The following VPS36 variants were observed in gnomAD, a reference collection of about 807,000 sequenced individuals.
VPS36 encodes vacuolar protein sorting 36 homolog.
In VPS36, 31 loss-of-function variants were observed where a neutral mutation model predicts 63.5. That is an observed-to-expected ratio of 0.49 (90% CI 0.37 to 0.66). The LOEUF is 0.66. VPS36 is among the 30% of genes least tolerant of loss of function. The pLI is 0.00. For missense variants in VPS36, 338 were observed against 463.7 expected, an observed-to-expected ratio of 0.73 and a Z score of 2.49; for synonymous variants, 138 against 157.2, an observed-to-expected ratio of 0.88 and a Z score of 0.91.
Position 52,450,631 on chromosome 13 carries a change from G to A in VPS36, c.-37C>T, listed in dbSNP as rs1958393445. 5.2e-6 allele frequency: 8 copies of A among 1,536,614 alleles called. No individual in the cohort carries two copies. In the East Asian group the frequency reaches 1.3e-4, roughly 26 times the overall value. ...CCCAGCCCCGGCCCTCCGAGGCCGCGAGCAGCGCGCCAGGCAGCCTGCGGC... is the reference window on the plus strand; with the variant it reads ...CCCAGCCCCGGCCCTCCGAGGCCGCAAGCAGCGCGCCAGGCAGCCTGCGGC... On this transcript the variant is annotated 5_prime_UTR_variant, in exon 1 of 14. Coordinates refer to ENST00000378060, the MANE Select transcript of VPS36 (RefSeq NM_016075.4).
At position 52,425,991 on chromosome 13, in the gene VPS36, T is replaced by C. The variant is rs747955028; in HGVS notation, c.715A>G (p.Thr239Ala). 1 of 1,614,070 alleles carries C rather than the reference T, an allele frequency of 6.2e-7. No individual in the cohort carries two copies. The highest frequency in any genetic ancestry group is 1.3e-5 in the African/African-American group (1 of 74,934). ...PVTRETYGSG[T>A]QYHMQLAKQL... ...TTGGCCAGCTGCATGTGGTACTGTG[T>C]GCCTGAGCCGTAGGTTTCTCTGGTA... The change falls in exon 9 of 14, where the codon ACA becomes GCA. Residue 239 changes from threonine (T) to alanine (A), a missense_variant. Coordinates refer to ENST00000378060, the MANE Select transcript of VPS36 (RefSeq NM_016075.4).
intron 10 of VPS36, among the ~76,000 whole-genome samples, chr13:52,420,874 T>C (rs1235868513): frequency 1.3e-5 from 2 of 152,270 alleles, no homozygotes; most frequent in African/African-American, 2.4e-5. Context: ...CCCAGCACTT[T>C]GTTTGGGAGG....
chr13:52,438,693 C>G (rs931507845), intron 3 of VPS36, among the ~76,000 whole-genome samples: 7 of 152,114 alleles, frequency 4.6e-5, no homozygotes, highest in African/African-American at 1.7e-4. Flanking sequence ...TTCATTGTAC[C>G]CCCTATTATT....
rs78660653 is a variant in VPS36 at position 52,422,906 on chromosome 13, G to A, written c.840+668C>T. On this transcript the variant is annotated intron_variant, in intron 10 of 13. Transcript: ENST00000378060. ...TCCCATAGTTCCCACATATTTTCGA[G>A]GGACCTGGTGGGAGATGATTGAATT... 2.5e-3 allele frequency among the ~76,000 whole-genome samples: 381 copies of A among 152,250 alleles called. 2 individuals are homozygous for A. The highest frequency in any genetic ancestry group is 6.5e-3 in the African/African-American group (270 of 41,524).
intron 6 of VPS36, among the ~76,000 whole-genome samples, chr13:52,427,547 C>T (rs1594116486): frequency 6.6e-6 from 1 of 151,322 alleles, no homozygotes; most frequent in Non-Finnish European, 1.5e-5. Context: ...GCGGAGCTTG[C>T]GGTGAGCCGA....
Position 52,422,327 on chromosome 13 carries a change from T to C in VPS36, c.840+1247A>G, listed in dbSNP as rs377637065. 3.8e-4 allele frequency among the ~76,000 whole-genome samples: 58 copies of C among 152,338 alleles called. 1 individual carries two copies. In the South Asian group the frequency reaches 6.8e-3, roughly 18 times the overall value. ...TTATGACTGAATTGTATTCCATTTG[T>C]ATGTATCTGACATTTTCTTTATCCG... On this transcript the variant is annotated intron_variant, in intron 10 of 13. Transcript: ENST00000378060.
chr13:52,415,538 G>T lies in VPS36; in HGVS notation c.*292C>A. 1 of 244,840 alleles carries T rather than the reference G, an allele frequency of 4.1e-6. No homozygotes were observed. Among genetic ancestry groups the T allele is most frequent in the Non-Finnish European group, 7.8e-6 (1 of 127,696 alleles). 15.2% of individuals were successfully genotyped at this position (244,840 alleles called of 1,614,324 possible). A position where few individuals can be genotyped will look rare whatever the true frequency, so the allele number is the denominator to read the frequency against. ...AACTAAATTCCCTTCTTTATAAAAT[G>T]ATTAGATTTGAGGATCAAGTTAAAA... On this transcript the variant is annotated 3_prime_UTR_variant, in exon 14 of 14. Transcript: ENST00000378060.
chr13:52,442,738 C>T (rs1037771580), intron 1 of VPS36, among the ~76,000 whole-genome samples: 2 of 152,126 alleles, frequency 1.3e-5, no homozygotes, highest in African/African-American at 4.8e-5. Context: ...CATGGATTAC[C>T]ATAGAACTCT....
intron 1 of VPS36, among the ~76,000 whole-genome samples, chr13:52,447,197 C>T (rs1958352619): frequency 6.6e-6 from 1 of 152,056 alleles, no homozygotes; most frequent in Admixed American, 6.6e-5. Flanking sequence ...ATTTAATTAA[C>T]CAATCCCTAT....
In VPS36 at chr13:52,449,968, T is replaced by G. The variant is rs1323228832; in HGVS notation, c.96+531A>C. 7.1e-6 allele frequency: 7 copies of G among 985,574 alleles called. No homozygotes were observed. The African/African-American group carries it at 1.2e-4, about 17-fold the overall frequency. 61.1% of individuals were successfully genotyped at this position (985,574 alleles called of 1,614,324 possible). A position where few individuals can be genotyped will look rare whatever the true frequency, so the allele number is the denominator to read the frequency against. ...TCCTTTCGAAGCAATCCCTCACCCC[T>G]CTGCCCAGATATGCTAATCCCTCCG... On this transcript the variant is annotated intron_variant, in intron 1 of 13. Coordinates refer to ENST00000378060, the MANE Select transcript of VPS36 (RefSeq NM_016075.4).
chr13:52,421,353 T>C (rs917473941), intron 10 of VPS36, among the ~76,000 whole-genome samples: 1 of 152,064 alleles, frequency 6.6e-6, no homozygotes, highest in South Asian at 2.1e-4. Flanking sequence ...GAAGAGTGGC[T>C]ACCAGAGGCT....
chr13:52,429,164 G>A, intron 6 of VPS36: 1 of 725,330 alleles, frequency 1.4e-6, no homozygotes, highest in Non-Finnish European at 1.7e-6. Context: ...CTCCAATTTT[G>A]AGAAAAACAG....
chr13:52,439,872 T>C (rs533926766), intron 2 of VPS36, among the ~76,000 whole-genome samples: 3 of 152,362 alleles, frequency 2.0e-5, no homozygotes, highest in South Asian at 2.1e-4. Context: ...TTTATGTAGA[T>C]GACTTTCTCT....
intron 1 of VPS36, among the ~76,000 whole-genome samples, chr13:52,446,265 GA>G (rs1304355658): frequency 0.03 from 3,095 of 104,576 alleles, 43 homozygotes; most frequent in African/African-American, 0.072. Context: ...GATTCCGTCT[GA>G]AAAAAAAAAA....
At chr13:52,433,597 AG>A in intron 6 of VPS36, 64 bp downstream of exon 6, 1 of 1,237,958 alleles carries the variant, frequency 8.1e-7, no homozygotes, top group Non-Finnish European at 1.2e-6. Context: ...AATTAGGCAC[AG>A]CTGTATCTAA....
intron 5 of VPS36, among the ~76,000 whole-genome samples, chr13:52,434,576 C>A (rs1473112538): frequency 6.6e-6 from 1 of 152,088 alleles, no homozygotes; most frequent in Non-Finnish European, 1.5e-5. Context: ...CCAGGCTGGT[C>A]TTGAACTCCT....
Position 52,415,858 on chromosome 13 carries a change from TA to T in VPS36, c.1132del (p.Tyr378ThrfsTer6). 1 of 1,613,894 alleles carries T rather than the reference TA, an allele frequency of 6.2e-7. No individual in the cohort carries two copies. Among genetic ancestry groups the T allele is most frequent in the Non-Finnish European group, 8.5e-7 (1 of 1,179,980 alleles). ...GCTCTGTGTCATAAATAAATTTGGG[TA>T]AAAACGCAGGCCTTCCACTGAGTCA... ...RDDSVEGLRF[Y>X]PNLFMTQS On this transcript the variant is annotated frameshift_variant, in exon 14 of 14. Coordinates refer to ENST00000378060, the MANE Select transcript of VPS36 (RefSeq NM_016075.4). LOFTEE classifies it high-confidence loss of function.
rs1179362585 is a variant in VPS36, at chr13:52,414,403, A to C, written c.*1427T>G. 6.6e-6 allele frequency: 1 copy of C among 152,248 alleles called. No individual in the cohort carries two copies. The highest frequency in any genetic ancestry group is 1.5e-5 in the Non-Finnish European group (1 of 68,066). The allele number at this position is 152,248 out of a possible 1,614,324, so 9.4% of individuals were successfully genotyped here. A position where few individuals can be genotyped will look rare whatever the true frequency, so the allele number is the denominator to read the frequency against. ...ATGAAGAGTCAGTGACAGGTTTGGA[A>C]AACAAAAACTAAAGTGGGATGTCTC... is the stretch of plus-strand genomic sequence containing the variant. On this transcript the variant is annotated 3_prime_UTR_variant, in exon 14 of 14. Coordinates refer to ENST00000378060, the MANE Select transcript of VPS36 (RefSeq NM_016075.4).
In VPS36 at chr13:52,434,906, T is replaced by C. The variant is rs1459792063; in HGVS notation, c.352-24A>G. The C allele has an allele frequency of 3.8e-6, 6 of 1,589,772 alleles. No homozygotes were observed. In the South Asian group the frequency reaches 5.6e-5, roughly 15 times the overall value. On this transcript the variant is annotated intron_variant, in intron 4 of 13. Coordinates refer to ENST00000378060, the MANE Select transcript of VPS36 (RefSeq NM_016075.4). ...AACTGATACGCAAATAAATACACTT[T>C]AAATGACTCAGTCAGATTGTAACAT...
Sources: gnomAD v4.1 joint callset for allele counts (sites outside exome capture counted in the v4.1 genomes callset) on GRCh38, gnomAD v4.1.1 for gene constraint, MANE v1.5 for transcripts, NCBI Gene and HGNC (gene_info 2026-07-23, HGNC 2026-07-21) for gene names.